Variants in SULT2B1 observed in about 807,000 individuals in gnomAD.
SULT2B1 encodes the protein sulfotransferase 2B1.
SULT2B1 carries 16 observed loss-of-function variants against 33.2 expected under a neutral mutation model. That is an observed-to-expected ratio of 0.48 (90% confidence interval 0.33 to 0.73). SULT2B1 has a LOEUF of 0.73. Among genes scored for constraint, SULT2B1 ranks in the 30% least tolerant of loss-of-function variants. The pLI is 0.02. For missense variants in SULT2B1, 500 were observed against 506.0 expected, an observed-to-expected ratio of 0.99 and a Z score of 0.11; for synonymous variants, 186 against 200.5, an observed-to-expected ratio of 0.93 and a Z score of 0.61.
intron 2 of SULT2B1, among the ~76,000 whole-genome samples, chr19:48,576,354 C>CTT (rs879507532): frequency 0.043 from 3,411 of 79,254 alleles, 231 homozygotes; most frequent in Non-Finnish European, 0.048. Context: ...TTACCCTCTA[C>CTT]TTCTCTTTTT....
At chr19:48,577,072 C>T (rs1420973130) in intron 2 of SULT2B1, among the ~76,000 whole-genome samples, 4 of 133,912 alleles carry the variant, frequency 3.0e-5, no homozygotes, top group African/African-American at 5.8e-5. Context: ...GTCTCTCTGT[C>T]GCCCAGGCTG....
At chr19:48,565,287 C>T (rs1450530653) in intron 1 of SULT2B1, among the ~76,000 whole-genome samples, 2 of 151,996 alleles carry the variant, frequency 1.3e-5, no homozygotes, top group Admixed American at 1.3e-4. Context: ...TCACCCTAAA[C>T]ATTCCAGGCT....
At chr19:48,561,716 G>C (rs1301183915) in intron 1 of SULT2B1, among the ~76,000 whole-genome samples, 1 of 152,170 alleles carries the variant, frequency 6.6e-6, no homozygotes, top group East Asian at 1.9e-4. Context: ...GAGACTGTCA[G>C]GCTTCAAGGG....
rs896314814 is a variant in SULT2B1 at position 48,583,149 on chromosome 19, C to T, written c.215-4080C>T. On this transcript the variant is annotated intron_variant, in intron 2 of 6. Coordinates refer to ENST00000201586, the MANE Select transcript of SULT2B1 (RefSeq NM_177973.2). ...CTAGGCAACAAGAGCAAAACTCTGT[C>T]TCAAAAATAAAAAATAAAAGAAAAA... Among the ~76,000 whole-genome samples, 4 of 143,044 alleles carry T rather than the reference C, an allele frequency of 2.8e-5. No homozygotes were observed. In the South Asian group the frequency reaches 6.3e-4, roughly 23 times the overall value. 93.8% of individuals were successfully genotyped at this position (143,044 alleles called of 152,430 possible).
intron 3 of SULT2B1, 31 bp downstream of exon 3, chr19:48,587,468 G>A: frequency 6.2e-7 from 1 of 1,610,512 alleles, no homozygotes; most frequent in Non-Finnish European, 8.5e-7. Context: ...TCAGTTGGGA[G>A]GGGCTGCATG....
intron 1 of SULT2B1, among the ~76,000 whole-genome samples, chr19:48,559,334 C>G (rs1973145392): frequency 6.7e-6 from 1 of 149,154 alleles, no homozygotes; most frequent in Admixed American, 6.7e-5. Flanking sequence ...AGTTCAGGAC[C>G]CATTTGGTTT....
intron 3 of SULT2B1, among the ~76,000 whole-genome samples, chr19:48,588,666 T>C (rs1973600407): frequency 6.6e-6 from 1 of 151,600 alleles, no homozygotes; most frequent in Admixed American, 6.6e-5. Flanking sequence ...TAAATTTACA[T>C]TGGGGGGAGA....
chr19:48,579,436 CCA>C (rs1973455542), intron 2 of SULT2B1, among the ~76,000 whole-genome samples: 1 of 151,594 alleles, frequency 6.6e-6, no homozygotes, highest in Admixed American at 6.6e-5. Flanking sequence ...GCGCCCACCA[CCA>C]TACCCAGCTA....
rs369478491 is a variant in SULT2B1, at chr19:48,579,592, CT to C, written c.214+3513del. Among the ~76,000 whole-genome samples the C allele has an allele frequency of 5.8e-3, 428 of 74,202 alleles. 5 individuals carry two copies. The highest frequency in any genetic ancestry group is 0.019 in the African/African-American group (400 of 21,128). The allele number at this position is 74,202 out of a possible 152,430, so 48.7% of individuals were successfully genotyped here. A position where few individuals can be genotyped will look rare whatever the true frequency, so the allele number is the denominator to read the frequency against. On this transcript the variant is annotated intron_variant, in intron 2 of 6. Coordinates refer to ENST00000201586, the MANE Select transcript of SULT2B1 (RefSeq NM_177973.2). ...CCACCGCGCCCGGCCTTTTTCTTTT[CT>C]TTTCTTTCTTTCTTTTTTTTTTTTT... is the stretch of plus-strand genomic sequence containing the variant.
Position 48,552,785 on chromosome 19 carries a change from A to G in SULT2B1, c.71+462A>G, listed in dbSNP as rs1182248891. On this transcript the variant is annotated intron_variant, in intron 1 of 6. Transcript: ENST00000201586. This position sits in a 1 kb window ranked among gnomAD's most constrained non-coding sequence, Gnocchi z 4.8. ...ATGCTGCTGAGACCCCCAGAGGGAG[A>G]AGCTGTGTTCTAGGGCACTTGGGGC... Among the ~76,000 whole-genome samples, 1 of 152,030 alleles carries G rather than the reference A, an allele frequency of 6.6e-6. No homozygotes were observed. Among genetic ancestry groups the G allele is most frequent in the African/African-American group, 2.4e-5 (1 of 41,418 alleles).
At position 48,596,649 on chromosome 19, in the gene SULT2B1, G is replaced by C. The variant is rs1973718628; in HGVS notation, c.646-90G>C. ...AGGCAGCGTCCCTCAGGCAGCCCCA[G>C]GTTAGGACCCAGACATGCGGATCCC... is the stretch of plus-strand genomic sequence containing the variant. On this transcript the variant is annotated intron_variant, in intron 5 of 6. Coordinates refer to ENST00000201586, the MANE Select transcript of SULT2B1 (RefSeq NM_177973.2). 4 of 1,398,754 alleles carry C rather than the reference G, an allele frequency of 2.9e-6. No homozygotes were observed. In the Admixed American group the frequency reaches 7.2e-5, roughly 25 times the overall value. The allele number at this position is 1,398,754 out of a possible 1,614,324, so 86.6% of individuals were successfully genotyped here. A position where few individuals can be genotyped will look rare whatever the true frequency, so the allele number is the denominator to read the frequency against.
At chr19:48,571,695 CGGA>C (rs1395005390) in intron 1 of SULT2B1, among the ~76,000 whole-genome samples, 1 of 85,188 alleles carries the variant, frequency 1.2e-5, no homozygotes, top group Admixed American at 9.6e-5. Flanking sequence ...TACATGCAAG[CGGA>C]GAAGATGGTC....
chr19:48,590,429 C>T (rs1431632552), intron 3 of SULT2B1, among the ~76,000 whole-genome samples: 1 of 151,986 alleles, frequency 6.6e-6, no homozygotes, highest in Non-Finnish European at 1.5e-5. Flanking sequence ...TGGTGAAAAC[C>T]CGTCTCTACT....
rs773829573 is a variant in SULT2B1 at position 48,596,729 on chromosome 19, CT to C, written c.646-9del. On this transcript the variant is annotated splice_polypyrimidine_tract_variant and intron_variant, in intron 5 of 6. Transcript: ENST00000201586. ...CCCTCCCTCCGCTGACCCCTCTCCC[CT>C]GCCTGCAGGACTTACAGGGCTCCGT... 6.3e-7 allele frequency: 1 copy of C among 1,597,138 alleles called. No homozygotes were observed. Among genetic ancestry groups the C allele is most frequent in the South Asian group, 1.1e-5 (1 of 89,724 alleles).
chr19:48,597,093 C>T (rs1157110413), intron 6 of SULT2B1, among the ~76,000 whole-genome samples, 174 bp downstream of exon 6: 2 of 152,174 alleles, frequency 1.3e-5, no homozygotes, highest in African/African-American at 4.8e-5. Context: ...ACTCAGCACA[C>T]GTGCCAGCCA....
At position 48,575,809 on chromosome 19, in the gene SULT2B1, C is replaced by T; in HGVS notation, c.72-132C>T. The T allele has an allele frequency of 2.0e-6, 3 of 1,469,824 alleles. No individual in the cohort carries two copies. In the South Asian group the frequency reaches 4.1e-5, roughly 20 times the overall value. 91.0% of individuals were successfully genotyped at this position (1,469,824 alleles called of 1,614,324 possible). ...TTTATAAAGTTTATAGGGACAGTGTCACCACTTTACAGAAGAGGGACTGAG... is the reference window on the plus strand; with the variant it reads ...TTTATAAAGTTTATAGGGACAGTGTTACCACTTTACAGAAGAGGGACTGAG... On this transcript the variant is annotated intron_variant, in intron 1 of 6. Transcript: ENST00000201586.
intron 1 of SULT2B1, among the ~76,000 whole-genome samples, chr19:48,567,981 A>C (rs1479635428): frequency 6.6e-6 from 1 of 151,794 alleles, no homozygotes; most frequent in Admixed American, 6.6e-5. Flanking sequence ...TATCCAAAAA[A>C]TAAAAATAAG....
intron 1 of SULT2B1, chr19:48,575,550 G>A (rs1224211595): frequency 1.3e-5 from 2 of 154,432 alleles, no homozygotes; most frequent in Non-Finnish European, 2.9e-5. Context: ...CCGTGATCTC[G>A]GCTCACTGCA....
At position 48,591,665 on chromosome 19, in the gene SULT2B1, C is replaced by T; in HGVS notation, c.480C>T (p.Ser160=). The change falls in exon 4 of 7, where the codon TCC becomes TCT. Residue 160 remains serine (S), a synonymous_variant. Transcript: ENST00000201586. ...RDVVVSLYHY[S]KIAGQLKDPG... ...TTGTGGTCTCCCTCTATCATTACTCCAAGATCGCCGGGCAGTTAAAGGACC... is the reference window on the plus strand; with the variant it reads ...TTGTGGTCTCCCTCTATCATTACTCTAAGATCGCCGGGCAGTTAAAGGACC... 1 of 1,613,590 alleles carries T rather than the reference C, an allele frequency of 6.2e-7. No homozygotes were observed. Among genetic ancestry groups the T allele is most frequent in the South Asian group, 1.1e-5 (1 of 91,038 alleles).
Sources: allele counts gnomAD v4.1 joint callset (sites outside exome capture counted in the v4.1 genomes callset), GRCh38; gene constraint gnomAD v4.1.1; non-coding constraint Gnocchi (gnomAD v3.1); transcripts MANE v1.5; gene names NCBI Gene and HGNC (gene_info 2026-07-23, HGNC 2026-07-21).